Variants in TEKTIP1 observed in about 807,000 individuals in gnomAD.
TEKTIP1 encodes tektin bundle-interacting protein 1.
At chr19:3,542,220 G>T in the TEKTIP1 span, 1 of 985,444 alleles carries the variant, frequency 1.0e-6, no homozygotes, top group Non-Finnish European at 1.2e-6. Context: ...GAAAAGCCGA[G>T]TCTATGTGGG....
the TEKTIP1 span, chr19:3,543,624 GCACC>G: frequency 1.3e-4 from 198 of 1,544,606 alleles, 2 homozygotes; most frequent in South Asian, 2.2e-3. Context: ...CAGGCCCCCA[GCACC>G]CGGTGGGGGA....
the TEKTIP1 span, chr19:3,539,255 G>GTACAGGTGAGCCCCTCCC: frequency 2.5e-5 from 39 of 1,547,714 alleles, no homozygotes; most frequent in African/African-American, 3.2e-4. Context: ...CAGCACCGCT[G>GTACAGGTGAGCCCCTCCC]TACAGGTGAG....
chr19:3,542,891 GT>G, the TEKTIP1 span: 1 of 1,408,684 alleles, frequency 7.1e-7, no homozygotes, highest in Non-Finnish European at 9.5e-7. Flanking sequence ...GGACTTGTGG[GT>G]CTTGGAGGCT....
the TEKTIP1 span, chr19:3,539,438 CTG>C: frequency 2.0e-5 from 12 of 585,690 alleles, no homozygotes; most frequent in Non-Finnish European, 3.4e-5. Flanking sequence ...TGGCCGCTCA[CTG>C]TGGGGGCTAC....
chr19:3,543,739 A>C, the TEKTIP1 span: 3 of 1,494,024 alleles, frequency 2.0e-6, no homozygotes, highest in African/African-American at 2.8e-5. Flanking sequence ...CACCTAGGCC[A>C]GGGTGAAACT....
the TEKTIP1 span, chr19:3,543,263 C>T: frequency 3.2e-4 from 489 of 1,546,640 alleles, no homozygotes; most frequent in Admixed American, 4.1e-4. Context: ...GGAGGGTTCC[C>T]GCTGGCCACC....
chr19:3,544,023 A>C, the TEKTIP1 span: 1 of 1,526,088 alleles, frequency 6.6e-7, no homozygotes, highest in South Asian at 1.2e-5. Context: ...GCATGCTACC[A>C]GGATGCACCC....
the TEKTIP1 span, among the ~76,000 whole-genome samples, chr19:3,541,026 G>A: frequency 6.6e-6 from 1 of 150,656 alleles, no homozygotes; most frequent in Non-Finnish European, 1.5e-5. Flanking sequence ...AAAATTAGCT[G>A]GTTGTGGTGG....
chr19:3,541,358 G>A, the TEKTIP1 span, among the ~76,000 whole-genome samples: 45 of 150,776 alleles, frequency 3.0e-4, no homozygotes, highest in African/African-American at 1.0e-3. Context: ...GGTCTCGCTC[G>A]GTTGCCCAGG....
the TEKTIP1 span, chr19:3,540,089 C>CTTTTTTTTTTTTTTTT: frequency 7.9e-5 from 7 of 88,190 alleles, no homozygotes; most frequent in African/African-American, 2.7e-4. Context: ...CATCTCTTTT[C>CTTTTTTTTTTTTTTTT]TTTTTTTTTT....
At chr19:3,543,482 C>A in the TEKTIP1 span, 13 of 1,434,356 alleles carry the variant, frequency 9.1e-6, no homozygotes, top group African/African-American at 1.8e-4. Context: ...GGGTGAGTGC[C>A]CCCCCCCCCG....
At chr19:3,541,092 C>A in the TEKTIP1 span, among the ~76,000 whole-genome samples, 1 of 147,762 alleles carries the variant, frequency 6.8e-6, no homozygotes, top group Non-Finnish European at 1.5e-5. Context: ...TCGCTTGAAC[C>A]TGGGAGGCAG....
chr19:3,542,540 C>G, the TEKTIP1 span: 1 of 875,966 alleles, frequency 1.1e-6, no homozygotes, highest in Non-Finnish European at 1.4e-6. Context: ...AGGGCACGAT[C>G]TCAGCTTACT....
the TEKTIP1 span, among the ~76,000 whole-genome samples, chr19:3,540,281 G>A: frequency 4.7e-5 from 7 of 148,230 alleles, no homozygotes; most frequent in South Asian, 4.2e-4. Context: ...TTTTTTGGAC[G>A]GAGTCTCACT....
chr19:3,543,364 C>G, the TEKTIP1 span: 1 of 1,549,350 alleles, frequency 6.5e-7, no homozygotes, highest in South Asian at 1.2e-5. Flanking sequence ...CCAACTCGGA[C>G]GCCTGGGAAG....
chr19:3,543,280 CA>C, the TEKTIP1 span: 1 of 1,548,052 alleles, frequency 6.5e-7, no homozygotes. Flanking sequence ...CACCAGCCAT[CA>C]GGCAGGCCAC....
chr19:3,540,725 CA>C, the TEKTIP1 span, among the ~76,000 whole-genome samples: 9 of 150,618 alleles, frequency 6.0e-5, no homozygotes. Flanking sequence ...ACTAAAAATA[CA>C]AAATTAGCCG....
chr19:3,541,901 C>T, the TEKTIP1 span: 17 of 679,582 alleles, frequency 2.5e-5, no homozygotes, highest in East Asian at 1.3e-4. Flanking sequence ...CTCCGCCTCC[C>T]GGGTTCAAGC....
At chr19:3,543,995 A>G in the TEKTIP1 span, 1 of 1,541,576 alleles carries the variant, frequency 6.5e-7, no homozygotes, top group Non-Finnish European at 8.8e-7. Context: ...CTTCCCTCAC[A>G]CCCACTCCCC....
Sources: allele counts gnomAD v4.1 joint callset (sites outside exome capture counted in the v4.1 genomes callset), GRCh38; gene constraint gnomAD v4.1.1; transcripts MANE v1.5; gene names NCBI Gene and HGNC (gene_info 2026-07-23, HGNC 2026-07-21).